Variants in CDHR2 observed in about 807,000 individuals in gnomAD.
The protein encoded by CDHR2 is cadherin related family member 2, also known as cadherin-related family member 2.
Under a neutral mutation model 138.6 loss-of-function variants are expected in CDHR2, and 104 were observed. That is an observed-to-expected ratio of 0.75 (90% CI 0.64 to 0.88). The LOEUF is 0.88. CDHR2 is among the 40% of genes least tolerant of loss of function. The probability of loss-of-function intolerance (pLI) is 0.00; values close to 1 mark genes in which losing one functional copy is unlikely to be tolerated. For synonymous variants in CDHR2, 755 were observed against 742.8 expected, an observed-to-expected ratio of 1.02 and a Z score of -0.27; for missense variants, 1,624 against 1,727.6, an observed-to-expected ratio of 0.94 and a Z score of 1.06.
chr5:176,547,015 G>C (rs945978600), upstream of CDHR2, among the ~76,000 whole-genome samples: 1 of 146,586 alleles, frequency 6.8e-6, no homozygotes, highest in Non-Finnish European at 1.5e-5. Flanking sequence ...GTCTTGCTCT[G>C]TCACCCAGGC....
At chr5:176,593,297 C>T (rs1758934831) in intron 31 of CDHR2, among the ~76,000 whole-genome samples, 1 of 152,192 alleles carries the variant, frequency 6.6e-6, no homozygotes, top group Non-Finnish European at 1.5e-5. Context: ...CGTAAAAGCA[C>T]CTGAGGAGCT....
At chr5:176,569,863 G>A (rs957770808) in intron 5 of CDHR2, among the ~76,000 whole-genome samples, 1 of 151,912 alleles carries the variant, frequency 6.6e-6, no homozygotes, top group African/African-American at 2.4e-5. Flanking sequence ...AGGAGGCTGA[G>A]GCACAAGAAT....
intron 31 of CDHR2, among the ~76,000 whole-genome samples, chr5:176,595,022 C>T (rs1039361572): frequency 6.6e-6 from 1 of 152,206 alleles, no homozygotes; most frequent in Non-Finnish European, 1.5e-5. Context: ...ATCATGGACA[C>T]GCTTTTGAAC....
In CDHR2 at chr5:176,586,038, C is replaced by T. The variant is rs746408264; in HGVS notation, c.2806+13C>T. The T allele has an allele frequency of 6.2e-7, 1 of 1,608,604 alleles. No individual in the cohort carries two copies. The highest frequency in any genetic ancestry group is 1.1e-5 in the South Asian group (1 of 90,948). ...AATAAGACTTTTGGTAAGCAGCAAC[C>T]CCATTCACACACCATACCCCTGCTC... is the stretch of plus-strand genomic sequence containing the variant. On this transcript the variant is annotated intron_variant, in intron 20 of 31. Coordinates refer to ENST00000261944, the MANE Select transcript of CDHR2 (RefSeq NM_017675.6).
In CDHR2 at chr5:176,568,733, T is replaced by A; in HGVS notation, c.180T>A (p.Tyr60Ter). ...AEDQDNDPLT[Y>*]GMSGPNAYFF... ...ACCAGGACAATGACCCTCTGACCTA[T>A]GGGATGAGCGGCCCCAATGCCTACT... The change falls in exon 4 of 32, where the codon TAT (tyrosine) becomes TAA (stop). Residue 60 changes from tyrosine (Y) to a stop codon, truncating the protein, a stop_gained. Coordinates refer to ENST00000261944, the MANE Select transcript of CDHR2 (RefSeq NM_017675.6). LOFTEE classifies it high-confidence loss of function. The A allele has an allele frequency of 6.2e-7, 1 of 1,614,184 alleles. No homozygotes were observed. The highest frequency in any genetic ancestry group is 8.5e-7 in the Non-Finnish European group (1 of 1,180,018).
chr5:176,568,390 G>A (rs1485634467), intron 3 of CDHR2, among the ~76,000 whole-genome samples: 2 of 152,248 alleles, frequency 1.3e-5, no homozygotes, highest in African/African-American at 4.8e-5. Context: ...CTTGTGTCAC[G>A]GAAACTCGGT....
At chr5:176,544,738 C>G (rs1339083519), upstream of CDHR2, among the ~76,000 whole-genome samples, 3 of 152,234 alleles carry the variant, frequency 2.0e-5, no homozygotes, top group East Asian at 5.8e-4. Flanking sequence ...GCGCCCAGCC[C>G]CGAGTTCTTT....
Position 176,575,562 on chromosome 5 carries a change from T to G in CDHR2, c.825T>G (p.Pro275=). Reference sequence around the variant, plus strand: ...ATGGCGACAAAGGCATCAATGACCCTGTGATCTACAGCATCTCCTGTGAGA... The same window carrying G: ...ATGGCGACAAAGGCATCAATGACCCGGTGATCTACAGCATCTCCTGTGAGA... ...AVDGDKGIND[P]VIYSISYSTR... Residue 275 remains proline (P), a synonymous_variant, in exon 10 of 32, where the codon CCT becomes CCG. Coordinates refer to ENST00000261944, the MANE Select transcript of CDHR2 (RefSeq NM_017675.6). 26 of 1,614,106 alleles carry G rather than the reference T, an allele frequency of 1.6e-5. No homozygotes were observed. Among genetic ancestry groups the G allele is most frequent in the Non-Finnish European group, 2.2e-5 (26 of 1,179,990 alleles).
chr5:176,546,612 TAAAAA>T (rs532749091), upstream of CDHR2, among the ~76,000 whole-genome samples: 45 of 151,688 alleles, frequency 3.0e-4, no homozygotes, highest in South Asian at 9.0e-3. Flanking sequence ...AAAAAAATAA[TAAAAA>T]TAAAATGAAA....
intron 5 of CDHR2, among the ~76,000 whole-genome samples, 166 bp downstream of exon 5, chr5:176,569,176 T>G (rs1581137418): frequency 6.6e-6 from 1 of 152,130 alleles, no homozygotes; most frequent in East Asian, 1.9e-4. Flanking sequence ...TTACCAAGAT[T>G]TTAGTATTTT....
Position 176,577,437 on chromosome 5 carries a change from C to A in CDHR2, c.1233C>A (p.Pro411=). 6.2e-7 allele frequency: 1 copy of A among 1,610,108 alleles called. No homozygotes were observed. ...NGTFLLSLGG[P]DAEAFSVSPE... is the part of the protein sequence containing the mutation. Reference sequence around the variant, plus strand: ...CCTTCCTGTTGTCGCTGGGGGGCCCCGATGCAGAAGCCTTCAGCGTCTCCC... The same window carrying A: ...CCTTCCTGTTGTCGCTGGGGGGCCCAGATGCAGAAGCCTTCAGCGTCTCCC... The change falls in exon 13 of 32, where the codon CCC becomes CCA. Residue 411 remains proline (P), a synonymous_variant. Transcript: ENST00000261944.
In CDHR2 at chr5:176,553,566, A is replaced by G. The variant is rs1333600264; in HGVS notation, c.-16+4152A>G. Among the ~76,000 whole-genome samples, 1 of 152,190 alleles carries G rather than the reference A, an allele frequency of 6.6e-6. No homozygotes were observed. The highest frequency in any genetic ancestry group is 2.4e-5 in the African/African-American group (1 of 41,440). On this transcript the variant is annotated intron_variant, in intron 1 of 31. Transcript: ENST00000261944. This position sits in a 1 kb window ranked among gnomAD's most constrained non-coding sequence, Gnocchi z 4.3. ...ACTCATTTCTGAAGGACAGAACATG[A>G]GAGAAAAAAGTGAGGAGGGAGGTAG...
At chr5:176,582,860 T>G (rs978570357) in intron 17 of CDHR2, among the ~76,000 whole-genome samples, 2 of 152,206 alleles carry the variant, frequency 1.3e-5, no homozygotes, top group Non-Finnish European at 2.9e-5. Flanking sequence ...TCAATCAGTC[T>G]GGTTCTAAGG....
intron 31 of CDHR2, among the ~76,000 whole-genome samples, chr5:176,593,908 G>T (rs1208586695): frequency 2.0e-5 from 3 of 152,164 alleles, no homozygotes; most frequent in Non-Finnish European, 4.4e-5. Context: ...GGTAATGCAG[G>T]CAGCCAGGCA....
At chr5:176,569,130 C>A (rs139592516) in intron 5 of CDHR2, 120 bp downstream of exon 5, 2 of 781,992 alleles carry the variant, frequency 2.6e-6, no homozygotes, top group Admixed American at 2.9e-5. Flanking sequence ...TTATTTATAT[C>A]GAGATTATAC....
rs757131329 is a variant in CDHR2 at position 176,568,627 on chromosome 5, A to G, written c.125-51A>G. On this transcript the variant is annotated intron_variant, in intron 3 of 31. Coordinates refer to ENST00000261944, the MANE Select transcript of CDHR2 (RefSeq NM_017675.6). The stretch of plus-strand genomic sequence containing the variant: ...GCCTCACAGCCAGCTTGGCCAGACC[A>G]GCACTGAAAGGGTGGCTGTGGACCC... 2.5e-6 allele frequency: 4 copies of G among 1,601,020 alleles called. No individual in the cohort carries two copies. In the South Asian group the frequency reaches 4.5e-5, roughly 18 times the overall value.
At chr5:176,557,273 A>G (rs1757855284) in intron 1 of CDHR2, among the ~76,000 whole-genome samples, 1 of 146,938 alleles carries the variant, frequency 6.8e-6, no homozygotes, top group African/African-American at 2.5e-5. Context: ...TGGTGTGCTC[A>G]TGGCTCCCTG....
Position 176,575,189 on chromosome 5 carries a change from C to A in CDHR2, c.601C>A (p.Gln201Lys). ...LSYNNKSAFY[Q>K]LELKACDLGG... is the part of the protein sequence containing the mutation. Reference sequence around the variant, plus strand: ...CTACAACAACAAGAGCGCTTTCTACCAGCTGGAGCTGAAGGCCTGTGTGAG... The same window carrying A: ...CTACAACAACAAGAGCGCTTTCTACAAGCTGGAGCTGAAGGCCTGTGTGAG... Residue 201 changes from glutamine to lysine, a missense_variant, in exon 8 of 32, where the codon CAG becomes AAG. By Grantham distance (53) the Gln-to-Lys change is moderately conservative. This residue lies in a region of CDHR2 where 1,061 missense variants were observed against 1,136.6 expected (regional missense o/e 0.93). Transcript: ENST00000261944. 6.2e-7 allele frequency: 1 copy of A among 1,614,226 alleles called. No homozygotes were observed. Among genetic ancestry groups the A allele is most frequent in the Non-Finnish European group, 8.5e-7 (1 of 1,180,058 alleles).
intron 6 of CDHR2, among the ~76,000 whole-genome samples, chr5:176,571,552 G>C (rs956971874): frequency 3.8e-4 from 57 of 149,290 alleles, no homozygotes; most frequent in African/African-American, 1.4e-3. Context: ...GATTTTTTTT[G>C]TGTAGACGGA....
Sources: allele counts gnomAD v4.1 joint callset (sites outside exome capture counted in the v4.1 genomes callset), GRCh38; gene constraint gnomAD v4.1.1; regional missense constraint gnomAD v4.1.1; non-coding constraint Gnocchi (gnomAD v3.1); transcripts MANE v1.5; gene names NCBI Gene and HGNC (gene_info 2026-07-23, HGNC 2026-07-21).